The following TFCP2L1 variants were observed in gnomAD, a reference collection of about 807,000 sequenced individuals.
TFCP2L1 encodes transcription factor CP2 like 1.
A neutral mutation model predicts 72.2 loss-of-function variants in TFCP2L1; 12 were observed. That is an observed-to-expected ratio of 0.17 (90% CI 0.11 to 0.27). The LOEUF (loss-of-function observed/expected upper bound fraction) is 0.27. Among genes scored for constraint, TFCP2L1 ranks in the 10% least tolerant of loss-of-function variants. TFCP2L1 has a pLI of 1.00. For synonymous variants in TFCP2L1, 260 were observed against 251.0 expected (o/e 1.04, Z -0.34); for missense variants, 488 against 624.6 (o/e 0.78, Z 2.33).
chr2:121,239,697 C>T (rs1328436156), intron 7 of TFCP2L1, 48 bp from the exon 8 acceptor site: 1 of 1,564,786 alleles, frequency 6.4e-7, no homozygotes, highest in East Asian at 2.3e-5. Flanking sequence ...AGGCGCTGAG[C>T]CGTGCTCCCC....
chr2:121,239,605 C>T lies in TFCP2L1; in HGVS notation c.813G>A (p.Pro271=), dbSNP rs376065002. The change falls in exon 8 of 15, where the codon CCG becomes CCA. Residue 271 remains proline (P), a synonymous_variant. Transcript: ENST00000263707. ...PDVAYQVNSA[P]SPSYNGSPNS... ...TTGGAGAACCATTGTAGCTTGGGGA[C>T]GGGGCGCTGTTCACCTGGTAGGCCA... 5.6e-5 allele frequency: 90 copies of T among 1,614,176 alleles called. 1 individual carries two copies. The highest frequency in any genetic ancestry group is 6.9e-5 in the Non-Finnish European group (81 of 1,180,028).
rs944455458 is a variant in TFCP2L1 at position 121,270,540 on chromosome 2, C to T, written c.214+10580G>A. ...TAGATGTTCACGGATTACTAGAGCA[C>T]GAGGTTATAACTATGAAAACAATGG... On this transcript the variant is annotated intron_variant, in intron 2 of 14. Coordinates refer to ENST00000263707, the MANE Select transcript of TFCP2L1 (RefSeq NM_014553.3). Among the ~76,000 whole-genome samples the T allele has an allele frequency of 2.6e-5, 4 of 152,214 alleles. No individual in the cohort carries two copies. The South Asian group carries it at 8.3e-4, about 32-fold the overall frequency.
At chr2:121,258,553 C>A (rs763033611) in intron 2 of TFCP2L1, among the ~76,000 whole-genome samples, 1 of 152,258 alleles carries the variant, frequency 6.6e-6, no homozygotes. Flanking sequence ...CCACTGAGGA[C>A]GCTGCATCAC....
rs1687345568 is a variant in TFCP2L1 at position 121,285,202 on chromosome 2, C to T, written c.-93G>A. On this transcript the variant is annotated 5_prime_UTR_variant, in exon 1 of 15. Transcript: ENST00000263707. ...CAGCGGCGGCTTCGCGCTCCGAACC[C>T]GCGGTGCCGGCCGGCTCGGCGCATT... 3.5e-6 allele frequency: 4 copies of T among 1,143,306 alleles called. No homozygotes were observed. The highest frequency in any genetic ancestry group is 4.5e-6 in the Non-Finnish European group (4 of 889,704). 70.8% of individuals were successfully genotyped at this position (1,143,306 alleles called of 1,614,324 possible).
chr2:121,251,779 A>G (rs1686619802), intron 2 of TFCP2L1, among the ~76,000 whole-genome samples: 1 of 152,246 alleles, frequency 6.6e-6, no homozygotes, highest in Admixed American at 6.5e-5. Flanking sequence ...ATCATGTTGC[A>G]CATGATAAAT....
At chr2:121,258,779 A>G (rs529029905) in intron 2 of TFCP2L1, among the ~76,000 whole-genome samples, 23 of 152,334 alleles carry the variant, frequency 1.5e-4, no homozygotes, top group Middle Eastern at 3.4e-3. Flanking sequence ...CTGGGTCTGG[A>G]TCAAGGCAAA....
At position 121,224,105 on chromosome 2, in the gene TFCP2L1, C is replaced by T. The variant is rs185067984; in HGVS notation, c.*236G>A. The T allele has an allele frequency of 2.4e-5, 14 of 584,836 alleles. No homozygotes were observed. The highest frequency in any genetic ancestry group is 1.7e-4 in the East Asian group (6 of 35,382). The allele number at this position is 584,836 out of a possible 1,614,324, so 36.2% of individuals were successfully genotyped here. On this transcript the variant is annotated 3_prime_UTR_variant, in exon 15 of 15. Coordinates refer to ENST00000263707, the MANE Select transcript of TFCP2L1 (RefSeq NM_014553.3). ...TGGACCAATAGAAAAGAACAAGGAA[C>T]CATTCAAAATCTGGAGGCCAAGAGG...
chr2:121,255,402 A>T (rs966660569), intron 2 of TFCP2L1, among the ~76,000 whole-genome samples: 11 of 152,196 alleles, frequency 7.2e-5, no homozygotes, highest in African/African-American at 9.7e-5. Context: ...TGGTCTTAGA[A>T]TCAAGGAAAT....
At chr2:121,245,479 T>C (rs1686461998) in intron 6 of TFCP2L1, among the ~76,000 whole-genome samples, 1 of 152,198 alleles carries the variant, frequency 6.6e-6, no homozygotes, top group Non-Finnish European at 1.5e-5. Context: ...TGGAGGCCAC[T>C]GCTCTGCCAG....
At chr2:121,243,189 C>A (rs1015436470) in intron 6 of TFCP2L1, among the ~76,000 whole-genome samples, 18 of 152,212 alleles carry the variant, frequency 1.2e-4, no homozygotes, top group African/African-American at 4.3e-4. Flanking sequence ...CATCTTATGA[C>A]CTCATGCCTA....
chr2:121,257,938 C>T (rs367543297), intron 2 of TFCP2L1, among the ~76,000 whole-genome samples: 1 of 152,102 alleles, frequency 6.6e-6, no homozygotes, highest in Admixed American at 6.6e-5. Flanking sequence ...AGAACCGGCC[C>T]GCCACCAGTT....
intron 7 of TFCP2L1, 60 bp from the exon 8 acceptor site, chr2:121,239,709 G>T: frequency 6.6e-7 from 1 of 1,521,224 alleles, no homozygotes; most frequent in South Asian, 1.2e-5. Flanking sequence ...GTGCTCCCCA[G>T]GTCCTCCCAA....
intron 2 of TFCP2L1, among the ~76,000 whole-genome samples, chr2:121,260,926 T>C (rs1431590430): frequency 1.3e-5 from 2 of 152,234 alleles, no homozygotes; most frequent in Admixed American, 1.3e-4. Flanking sequence ...GTTTGGGTAA[T>C]TAATGCCACA....
rs758629396 is a variant in TFCP2L1 at position 121,242,355 on chromosome 2, T to C, written c.768+4A>G. 1 of 1,613,764 alleles carries C rather than the reference T, an allele frequency of 6.2e-7. No homozygotes were observed. Among genetic ancestry groups the C allele is most frequent in the South Asian group, 1.1e-5 (1 of 91,076 alleles). On this transcript the variant is annotated splice_donor_region_variant and intron_variant, in intron 7 of 14. Transcript: ENST00000263707. ...GGCTCTGTCCCCGCACCCAGCCGGC[T>C]CACCTCTGTGAGGATGGTGGTTTCA...
At chr2:121,268,752 T>C (rs1337191284) in intron 2 of TFCP2L1, among the ~76,000 whole-genome samples, 2 of 150,812 alleles carry the variant, frequency 1.3e-5, no homozygotes, top group African/African-American at 4.9e-5. Flanking sequence ...GAAAGGCTAA[T>C]TAATAGTGTC....
chr2:121,228,772 C>CAAAAAAAAAAAA (rs59300568), intron 13 of TFCP2L1, among the ~76,000 whole-genome samples: 5 of 58,176 alleles, frequency 8.6e-5, no homozygotes, highest in Non-Finnish European at 1.1e-4. Flanking sequence ...CCGTGACTCA[C>CAAAAAAAAAAAA]AAAAAAAAAA....
chr2:121,267,461 T>C (rs1558743190), intron 2 of TFCP2L1, among the ~76,000 whole-genome samples: 1 of 152,202 alleles, frequency 6.6e-6, no homozygotes, highest in Non-Finnish European at 1.5e-5. Context: ...TAATTAAAGT[T>C]TGACACGACC....
chr2:121,262,693 T>C (rs1272385979), intron 2 of TFCP2L1, among the ~76,000 whole-genome samples: 1 of 151,388 alleles, frequency 6.6e-6, no homozygotes, highest in Non-Finnish European at 1.5e-5. Context: ...CTGGTTTCAG[T>C]AATTGTACCA....
At chr2:121,277,548 A>C (rs1558747371) in intron 2 of TFCP2L1, among the ~76,000 whole-genome samples, 1 of 152,214 alleles carries the variant, frequency 6.6e-6, no homozygotes, top group African/African-American at 2.4e-5. Flanking sequence ...TTAGGTATTT[A>C]TTTTTAAAAT....
Sources: allele counts gnomAD v4.1 joint callset (sites outside exome capture counted in the v4.1 genomes callset), GRCh38; gene constraint gnomAD v4.1.1; transcripts MANE v1.5; gene names NCBI Gene and HGNC (gene_info 2026-07-23, HGNC 2026-07-21).